Variants in LTBP1 observed in about 807,000 individuals in gnomAD.
The protein encoded by LTBP1 is latent-transforming growth factor beta-binding protein 1.
In LTBP1, 129 loss-of-function variants were observed where a neutral mutation model predicts 207.6. The observed-to-expected ratio is 0.62, with a 90% CI of 0.54 to 0.72. The LOEUF is 0.72. LTBP1 is among the 30% of genes least tolerant of loss of function. The pLI is 0.00. For missense variants in LTBP1, 2,281 were observed against 2,217.2 expected (o/e 1.03, Z -0.58); for synonymous variants, 963 against 833.7 (o/e 1.16, Z -2.67).
At chr2:33,036,805 GCT>G (rs1491367387) in intron 3 of LTBP1, among the ~76,000 whole-genome samples, 6 of 152,168 alleles carry the variant, frequency 3.9e-5, no homozygotes, top group African/African-American at 1.4e-4. Context: ...AGTTTAAAAA[GCT>G]TTTTTAGCAT....
intron 5 of LTBP1, among the ~76,000 whole-genome samples, chr2:33,177,640 C>A (rs556537252): frequency 6.6e-6 from 1 of 152,194 alleles, no homozygotes; most frequent in African/African-American, 2.4e-5. Flanking sequence ...TACATTCCAG[C>A]CTGGGTGACA....
chr2:33,280,885 A>C (rs1339335497), intron 19 of LTBP1, among the ~76,000 whole-genome samples: 1 of 152,192 alleles, frequency 6.6e-6, no homozygotes, highest in Non-Finnish European at 1.5e-5. Context: ...CCTGGGCAGC[A>C]TAGCAAGACC....
chr2:33,209,789 GA>G (rs1273140219), intron 7 of LTBP1, among the ~76,000 whole-genome samples: 1 of 152,120 alleles, frequency 6.6e-6, no homozygotes, highest in African/African-American at 2.4e-5. Flanking sequence ...TTTAAAGGAG[GA>G]GCCTGGGGGA....
intron 31 of LTBP1, among the ~76,000 whole-genome samples, chr2:33,369,563 C>CT (rs142212297): frequency 0.24 from 35,971 of 151,852 alleles, 4,905 homozygotes; most frequent in African/African-American, 0.37. Flanking sequence ...CCCAAAGGAA[C>CT]TTTTTTTATT....
At chr2:33,082,775 C>T (rs1452259488) in intron 3 of LTBP1, among the ~76,000 whole-genome samples, 1 of 152,102 alleles carries the variant, frequency 6.6e-6, no homozygotes, top group Non-Finnish European at 1.5e-5. Context: ...CATTTCTGAC[C>T]ATGCTGTAGG....
At chr2:33,123,402 T>C (rs1296911583) in intron 4 of LTBP1, among the ~76,000 whole-genome samples, 1 of 152,046 alleles carries the variant, frequency 6.6e-6, no homozygotes, top group East Asian at 1.9e-4. Flanking sequence ...TTTTTTTTTT[T>C]GGTATGGGTT....
At chr2:32,964,277 C>G (rs1457942471) in intron 2 of LTBP1, among the ~76,000 whole-genome samples, 1 of 152,182 alleles carries the variant, frequency 6.6e-6, no homozygotes, top group East Asian at 1.9e-4. Context: ...TATTATAAGA[C>G]TAGGGCCCTT....
chr2:33,203,074 T>TG (rs2089492635), intron 7 of LTBP1, among the ~76,000 whole-genome samples: 2 of 152,072 alleles, frequency 1.3e-5, no homozygotes, highest in Non-Finnish European at 2.9e-5. Context: ...TTACTGAGTC[T>TG]CTTGTGGCTC....
At chr2:33,309,582 T>C in intron 23 of LTBP1, 26 bp downstream of exon 23, 1 of 1,599,220 alleles carries the variant, frequency 6.3e-7, no homozygotes, top group Non-Finnish European at 8.5e-7. Context: ...TTTTCCCCAG[T>C]CATTATTTAC....
chr2:33,324,969 T>C (rs1462831004), intron 24 of LTBP1, among the ~76,000 whole-genome samples: 1 of 152,300 alleles, frequency 6.6e-6, no homozygotes, highest in East Asian at 1.9e-4. Context: ...CCTCCCAAAG[T>C]GCTGAGATTA....
chr2:33,325,264 G>A (rs1192913468), intron 24 of LTBP1, among the ~76,000 whole-genome samples: 1 of 152,030 alleles, frequency 6.6e-6, no homozygotes, highest in Non-Finnish European at 1.5e-5. Flanking sequence ...TATTTTCTGT[G>A]GTTTTATAAC....
intron 8 of LTBP1, among the ~76,000 whole-genome samples, chr2:33,218,446 G>T (rs1296065648): frequency 6.6e-6 from 1 of 152,102 alleles, no homozygotes; most frequent in African/African-American, 2.4e-5. Flanking sequence ...GCCCAGGCTG[G>T]AGCACAGTGG....
intron 2 of LTBP1, among the ~76,000 whole-genome samples, chr2:32,953,353 A>T (rs1159994907): frequency 1.3e-5 from 2 of 152,118 alleles, no homozygotes; most frequent in Middle Eastern, 3.2e-3. Context: ...GAGTGATTAT[A>T]TATTTTTTTG....
At chr2:33,083,047 T>C (rs2078537253) in intron 3 of LTBP1, among the ~76,000 whole-genome samples, 1 of 151,858 alleles carries the variant, frequency 6.6e-6, no homozygotes, top group Non-Finnish European at 1.5e-5. Context: ...CTTGTTGGGG[T>C]CTTGTCCCTT....
At chr2:33,071,173 G>A (rs912618526) in intron 3 of LTBP1, among the ~76,000 whole-genome samples, 2 of 152,214 alleles carry the variant, frequency 1.3e-5, no homozygotes, top group African/African-American at 2.4e-5. Flanking sequence ...AGAGTGAGTC[G>A]TTCAGGCCAC....
intron 13 of LTBP1, among the ~76,000 whole-genome samples, chr2:33,261,703 G>A (rs770387691): frequency 2.0e-5 from 3 of 152,168 alleles, no homozygotes; most frequent in Non-Finnish European, 4.4e-5. Context: ...ATGAGAGCCT[G>A]GATGGTTTTG....
chr2:33,060,090 C>T (rs1025477921), intron 3 of LTBP1, among the ~76,000 whole-genome samples: 1 of 152,166 alleles, frequency 6.6e-6, no homozygotes, highest in African/African-American at 2.4e-5. Context: ...GGACTGTGCA[C>T]ATGGACCTAT....
In LTBP1 at chr2:33,058,829, G is replaced by C. The variant is rs922774792; in HGVS notation, c.863+37623G>C. ...AGAATGGTACCTTACTATAAATGTC[G>C]CAGGAGAAAAAACATTGCCATTTAA... On this transcript the variant is annotated intron_variant, in intron 3 of 33. Transcript: ENST00000404816. 7.9e-4 allele frequency among the ~76,000 whole-genome samples: 120 copies of C among 152,186 alleles called. 1 individual carries two copies. The highest frequency in any genetic ancestry group is 2.5e-3 in the African/African-American group (104 of 41,492).
intron 24 of LTBP1, among the ~76,000 whole-genome samples, chr2:33,329,151 G>C (rs2094464893): frequency 6.6e-6 from 1 of 152,188 alleles, no homozygotes; most frequent in African/African-American, 2.4e-5. Flanking sequence ...AAGAGTCTCA[G>C]ATCCACATTA....
Sources: allele counts gnomAD v4.1 joint callset (sites outside exome capture counted in the v4.1 genomes callset), GRCh38; gene constraint gnomAD v4.1.1; transcripts MANE v1.5; gene names NCBI Gene and HGNC (gene_info 2026-07-23, HGNC 2026-07-21).